LDLRAD3: variants seen among roughly 807,000 people sequenced by gnomAD.
The protein encoded by LDLRAD3 is low density lipoprotein receptor class A domain containing 3.
LDLRAD3 carries 20 observed loss-of-function variants against 29.4 expected under a neutral mutation model. The observed-to-expected ratio is 0.68, with a 90% CI of 0.48 to 0.99. LDLRAD3 has a LOEUF of 0.99. Among genes scored for constraint, LDLRAD3 ranks in the 50% least tolerant of loss-of-function variants. The pLI is 0.00. For synonymous variants in LDLRAD3, 157 were observed against 192.7 expected, an observed-to-expected ratio of 0.81 and a Z score of 1.53; for missense variants, 420 against 454.3, an observed-to-expected ratio of 0.92 and a Z score of 0.69.
intron 2 of LDLRAD3, among the ~76,000 whole-genome samples, chr11:36,041,536 A>G (rs1852381720): frequency 6.6e-6 from 1 of 152,250 alleles, no homozygotes; most frequent in African/African-American, 2.4e-5. Context: ...GGTTTCTTAT[A>G]GAAATGAATA....
At chr11:36,174,684 A>C (rs1165211078) in intron 4 of LDLRAD3, among the ~76,000 whole-genome samples, 3 of 152,254 alleles carry the variant, frequency 2.0e-5, no homozygotes, top group Non-Finnish European at 4.4e-5. Flanking sequence ...CACACCAGTT[A>C]GAATGGCGAT....
At chr11:36,014,464 T>A (rs962291205) in intron 1 of LDLRAD3, among the ~76,000 whole-genome samples, 3 of 152,352 alleles carry the variant, frequency 2.0e-5, no homozygotes, top group Non-Finnish European at 4.4e-5. Flanking sequence ...GTATGGGATG[T>A]GCATGGTACC....
intron 4 of LDLRAD3, among the ~76,000 whole-genome samples, chr11:36,137,159 C>T (rs1196722929): frequency 6.6e-6 from 1 of 152,192 alleles, no homozygotes; most frequent in Non-Finnish European, 1.5e-5. Flanking sequence ...CATGCTAAGC[C>T]TCATTTGTCA....
At chr11:36,023,783 C>T (rs571673587) in intron 1 of LDLRAD3, among the ~76,000 whole-genome samples, 13 of 152,296 alleles carry the variant, frequency 8.5e-5, no homozygotes, top group African/African-American at 2.9e-4. Context: ...GAAGCAACTC[C>T]CCCAAAGCCC....
At chr11:36,191,584 A>C (rs1286308372) in intron 4 of LDLRAD3, among the ~76,000 whole-genome samples, 372 of 87,142 alleles carry the variant, frequency 4.3e-3, no homozygotes, top group Middle Eastern at 0.016. Flanking sequence ...CTCTATATAT[A>C]TATATATATA....
At chr11:36,208,380 T>C (rs893911392) in intron 4 of LDLRAD3, among the ~76,000 whole-genome samples, 2 of 152,240 alleles carry the variant, frequency 1.3e-5, no homozygotes, top group African/African-American at 4.8e-5. Flanking sequence ...TTCAGCCATC[T>C]AGCGAGGGCT....
At chr11:35,952,223 A>T (rs1316547744) in intron 1 of LDLRAD3, among the ~76,000 whole-genome samples, 2 of 152,224 alleles carry the variant, frequency 1.3e-5, no homozygotes, top group East Asian at 3.8e-4. Context: ...GGTCTGCGTG[A>T]CTTAGACTTG....
intron 4 of LDLRAD3, among the ~76,000 whole-genome samples, chr11:36,183,168 G>T (rs911645992): frequency 1.3e-5 from 2 of 152,200 alleles, no homozygotes; most frequent in African/African-American, 4.8e-5. Flanking sequence ...GAGCTTAAGT[G>T]ATCCAGCCCT....
chr11:36,189,913 C>CT (rs1019055830), intron 4 of LDLRAD3, among the ~76,000 whole-genome samples: 1 of 152,088 alleles, frequency 6.6e-6, no homozygotes, highest in African/African-American at 2.4e-5. Flanking sequence ...TGAACTCATC[C>CT]TTTTTTATGG....
At chr11:36,186,843 A>G (rs1854856558) in intron 4 of LDLRAD3, among the ~76,000 whole-genome samples, 2 of 152,176 alleles carry the variant, frequency 1.3e-5, no homozygotes, top group Non-Finnish European at 2.9e-5. Context: ...CATTTTTCAG[A>G]AGTCATAGCC....
At chr11:36,013,390 T>C (rs921736663) in intron 1 of LDLRAD3, among the ~76,000 whole-genome samples, 6 of 152,186 alleles carry the variant, frequency 3.9e-5, no homozygotes, top group Non-Finnish European at 5.9e-5. Context: ...GCTGCACCTG[T>C]CTACCCATTG....
At chr11:35,957,179 ATTTAT>A (rs1408932744) in intron 1 of LDLRAD3, among the ~76,000 whole-genome samples, 2 of 152,224 alleles carry the variant, frequency 1.3e-5, no homozygotes, top group Admixed American at 1.3e-4. Flanking sequence ...ACATTGGTTT[ATTTAT>A]TTATATTGAT....
intron 3 of LDLRAD3, among the ~76,000 whole-genome samples, chr11:36,087,552 A>G (rs1032533582): frequency 2.0e-5 from 3 of 152,218 alleles, no homozygotes; most frequent in Admixed American, 6.5e-5. Flanking sequence ...GAAGAAATAA[A>G]TAAAAGTTAA....
At chr11:36,137,619 C>T (rs930308396) in intron 4 of LDLRAD3, among the ~76,000 whole-genome samples, 2 of 152,214 alleles carry the variant, frequency 1.3e-5, no homozygotes, top group African/African-American at 4.8e-5. Flanking sequence ...CACAGCTAAG[C>T]TGGTATTAAT....
At chr11:36,197,817 C>T (rs1855056881) in intron 4 of LDLRAD3, 1 of 151,248 alleles carries the variant, frequency 6.6e-6, no homozygotes, top group African/African-American at 2.4e-5. Flanking sequence ...GGAAGCTAAG[C>T]AGGAGGATGG....
chr11:36,170,025 C>A (rs12275025), intron 4 of LDLRAD3, among the ~76,000 whole-genome samples: 1 of 152,120 alleles, frequency 6.6e-6, no homozygotes, highest in South Asian at 2.1e-4. Context: ...CTCCTCCCAC[C>A]CTTCCCTCTC....
intron 2 of LDLRAD3, among the ~76,000 whole-genome samples, chr11:36,060,193 A>G (rs900826397): frequency 6.6e-6 from 1 of 151,974 alleles, no homozygotes; most frequent in African/African-American, 2.4e-5. Flanking sequence ...TCTCTACTAA[A>G]AATACAAAAA....
intron 4 of LDLRAD3, among the ~76,000 whole-genome samples, chr11:36,107,806 C>T (rs1200816329): frequency 6.6e-6 from 1 of 152,126 alleles, no homozygotes; most frequent in Non-Finnish European, 1.5e-5. Context: ...CCTAATGATG[C>T]ATTTCTTACA....
chr11:35,984,346 C>T (rs992874302), intron 1 of LDLRAD3, among the ~76,000 whole-genome samples: 1 of 151,914 alleles, frequency 6.6e-6, no homozygotes, highest in Non-Finnish European at 1.5e-5. Flanking sequence ...GGTTTATTGC[C>T]CTGGTTTATA....
Sources: allele counts gnomAD v4.1 joint callset (sites outside exome capture counted in the v4.1 genomes callset), GRCh38; gene constraint gnomAD v4.1.1; transcripts MANE v1.5; gene names NCBI Gene and HGNC (gene_info 2026-07-23, HGNC 2026-07-21).